PIP4K2B: variants seen among roughly 807,000 people sequenced by gnomAD.
PIP4K2B encodes the protein phosphatidylinositol 5-phosphate 4-kinase type-2 beta.
PIP4K2B carries 3 observed loss-of-function variants against 42.0 expected under a neutral mutation model. The observed-to-expected ratio is 0.07, with a 90% CI of 0.03 to 0.18. The LOEUF is 0.18. Ranked by LOEUF, PIP4K2B falls within the 10% of genes least tolerant of loss-of-function variation. PIP4K2B has a pLI of 1.00. For missense variants in PIP4K2B, 332 were observed against 562.3 expected (o/e 0.59, Z 4.14); for synonymous variants, 204 against 210.1 (o/e 0.97, Z 0.25).
chr17:38,769,816 A>C (rs1252845682), intron 9 of PIP4K2B, 45 bp from the exon 10 acceptor site: 2 of 1,598,338 alleles, frequency 1.3e-6, no homozygotes, highest in East Asian at 2.2e-5. Context: ...CCTGTGCCCC[A>C]ATCAGGAGGC....
At chr17:38,769,908 G>A in intron 9 of PIP4K2B, 137 bp from the exon 10 acceptor site, 1 of 733,650 alleles carries the variant, frequency 1.4e-6, no homozygotes, top group Admixed American at 2.2e-5. Flanking sequence ...CACCAAGACT[G>A]AGCAGACCAC....
At position 38,769,394 on chromosome 17, in the gene PIP4K2B, G is replaced by C; in HGVS notation, c.*297C>G. On this transcript the variant is annotated 3_prime_UTR_variant, in exon 10 of 10. Transcript: ENST00000619039. ...TCTCTAGCCCCAAGGTATCTTAAAA[G>C]GTTACAAGGTACCAAAAAGGGAACC... 2.4e-6 allele frequency: 1 copy of C among 419,134 alleles called. No homozygotes were observed. The highest frequency in any genetic ancestry group is 2.0e-5 in the African/African-American group (1 of 50,736). 26.0% of individuals were successfully genotyped at this position (419,134 alleles called of 1,614,324 possible).
chr17:38,769,774 G>A lies in PIP4K2B; in HGVS notation c.1171-3C>T. 6.2e-7 allele frequency: 1 copy of A among 1,613,340 alleles called. No individual in the cohort carries two copies. The highest frequency in any genetic ancestry group is 8.5e-7 in the Non-Finnish European group (1 of 1,179,588). Reference sequence around the variant, plus strand: ...ACAGTCGAGATCTCGGCCCCTGCCTGTAATACACAAGAGGCTGATTCAGGT... The same window carrying A: ...ACAGTCGAGATCTCGGCCCCTGCCTATAATACACAAGAGGCTGATTCAGGT... On this transcript the variant is annotated splice_polypyrimidine_tract_variant and splice_region_variant and intron_variant, in intron 9 of 9. Transcript: ENST00000619039.
chr17:38,769,361 C>A lies in PIP4K2B; in HGVS notation c.*330G>T. ...CAGAAACAAAACCCAAATAAACCCA[C>A]GAAGTCATCTCTAGCCCCAAGGTAT... On this transcript the variant is annotated 3_prime_UTR_variant, in exon 10 of 10. Transcript: ENST00000619039. The A allele has an allele frequency of 3.5e-6, 1 of 289,412 alleles. No homozygotes were observed. Among genetic ancestry groups the A allele is most frequent in the East Asian group, 6.5e-5 (1 of 15,454 alleles). 17.9% of individuals were successfully genotyped at this position (289,412 alleles called of 1,614,324 possible).
At position 38,767,613 on chromosome 17, in the gene PIP4K2B, C is replaced by T. The variant is rs1908772972; in HGVS notation, c.*2078G>A. ...GTAAGAATGTGTTACACTTTCCATA[C>T]ACATTATGGCAACATGATCAGCAGA... is the stretch of plus-strand genomic sequence containing the variant. On this transcript the variant is annotated 3_prime_UTR_variant, in exon 10 of 10. Transcript: ENST00000619039. 1 of 152,192 alleles carries T rather than the reference C, an allele frequency of 6.6e-6. No homozygotes were observed. The highest frequency in any genetic ancestry group is 6.5e-5 in the Admixed American group (1 of 15,276). 9.4% of individuals were successfully genotyped at this position (152,192 alleles called of 1,614,324 possible).
Position 38,786,905 on chromosome 17 carries a change from T to C in PIP4K2B, c.175A>G (p.Asn59Asp). 1 of 1,612,606 alleles carries C rather than the reference T, an allele frequency of 6.2e-7. No individual in the cohort carries two copies. Among genetic ancestry groups the C allele is most frequent in the Non-Finnish European group, 8.5e-7 (1 of 1,178,604 alleles). The part of the protein sequence containing the change: ...GVNHTINELS[N>D]VPVPVMLMPD... ...ATTAGCATGACAGGAACAGGAACATTGCTCAGCTCATTGATCTGAAAAGCA... is the reference window on the plus strand; with the variant it reads ...ATTAGCATGACAGGAACAGGAACATCGCTCAGCTCATTGATCTGAAAAGCA... The change falls in exon 2 of 10, where the codon AAT becomes GAT. Residue 59 changes from asparagine (N) to aspartate (D), a missense_variant. By Grantham distance (23) the Asn-to-Asp change is conservative. This residue lies in a region of PIP4K2B where 186 missense variants were observed against 288.4 expected (regional missense o/e 0.64). Transcript: ENST00000619039.
intron 1 of PIP4K2B, among the ~76,000 whole-genome samples, chr17:38,795,993 C>T (rs1053639345): frequency 2.0e-5 from 3 of 152,026 alleles, no homozygotes; most frequent in Non-Finnish European, 4.4e-5. Context: ...AAAAAATTAG[C>T]CACGTGTGGT....
rs959083048 is a variant in PIP4K2B at position 38,767,070 on chromosome 17, T to C, written c.*2621A>G. 2.6e-5 allele frequency: 4 copies of C among 152,248 alleles called. No homozygotes were observed. The highest frequency in any genetic ancestry group is 4.4e-5 in the Non-Finnish European group (3 of 68,072). The allele number at this position is 152,248 out of a possible 1,614,324, so 9.4% of individuals were successfully genotyped here. On this transcript the variant is annotated 3_prime_UTR_variant, in exon 10 of 10. Coordinates refer to ENST00000619039, the MANE Select transcript of PIP4K2B (RefSeq NM_003559.5). ...TTTCTTCTTGGGAGACCCAACATTATTCTGAGATGCCATGAGACTGTTTAG... is the reference window on the plus strand; with the variant it reads ...TTTCTTCTTGGGAGACCCAACATTACTCTGAGATGCCATGAGACTGTTTAG...
chr17:38,780,224 T>C (rs1043661451), intron 4 of PIP4K2B, among the ~76,000 whole-genome samples: 1 of 152,200 alleles, frequency 6.6e-6, no homozygotes, highest in African/African-American at 2.4e-5. Flanking sequence ...CGTGAACACT[T>C]TCCAACTGGG....
intron 7 of PIP4K2B, among the ~76,000 whole-genome samples, chr17:38,774,416 C>T (rs775924067): frequency 2.6e-5 from 4 of 152,192 alleles, no homozygotes; most frequent in Non-Finnish European, 4.4e-5. Flanking sequence ...CCTGGGCCTC[C>T]GGCTTGCTGA....
At chr17:38,788,176 A>AAATT (rs1442652235) in intron 1 of PIP4K2B, among the ~76,000 whole-genome samples, 24 of 129,316 alleles carry the variant, frequency 1.9e-4, no homozygotes, top group South Asian at 1.8e-3. Context: ...GTAATAGATT[A>AAATT]AATTTATTTA....
chr17:38,797,261 C>A (rs557736267), intron 1 of PIP4K2B, among the ~76,000 whole-genome samples: 1 of 152,308 alleles, frequency 6.6e-6, no homozygotes, highest in South Asian at 2.1e-4. Flanking sequence ...ACCTAACCAT[C>A]AGCTATTGAG....
intron 1 of PIP4K2B, among the ~76,000 whole-genome samples, chr17:38,793,082 C>T (rs756989976): frequency 1.3e-5 from 2 of 151,988 alleles, no homozygotes; most frequent in Non-Finnish European, 2.9e-5. Flanking sequence ...GCGCATGCCA[C>T]CACACCCGGC....
chr17:38,796,261 A>G (rs1281671035), intron 1 of PIP4K2B, among the ~76,000 whole-genome samples: 1 of 152,210 alleles, frequency 6.6e-6, no homozygotes, highest in East Asian at 1.9e-4. Context: ...ACTCTTATAC[A>G]CTGCTGGTAG....
At chr17:38,779,626 G>GAGC in intron 4 of PIP4K2B, 97 bp from the exon 5 acceptor site, 2 of 1,081,868 alleles carry the variant, frequency 1.8e-6, no homozygotes, top group Non-Finnish European at 2.8e-6. Flanking sequence ...GGCTCCCTGG[G>GAGC]ATTCTAACCT....
intron 7 of PIP4K2B, among the ~76,000 whole-genome samples, chr17:38,772,036 TAA>T (rs1909075951): frequency 6.6e-6 from 1 of 151,886 alleles, no homozygotes; most frequent in Non-Finnish European, 1.5e-5. Flanking sequence ...TCTCTTGTTT[TAA>T]AAAAAGAGGC....
intron 1 of PIP4K2B, among the ~76,000 whole-genome samples, chr17:38,793,636 C>G (rs922537617): frequency 6.6e-6 from 1 of 152,036 alleles, no homozygotes; most frequent in Non-Finnish European, 1.5e-5. Flanking sequence ...TTTGGAAGAC[C>G]GAGGTGGGCA....
chr17:38,788,114 GAAGAAAAA>G (rs1910135338), intron 1 of PIP4K2B, among the ~76,000 whole-genome samples: 1 of 151,926 alleles, frequency 6.6e-6, no homozygotes, highest in Non-Finnish European at 1.5e-5. Context: ...TTAGCTCAAG[GAAGAAAAA>G]AAGCTGGATG....
At chr17:38,791,917 G>A (rs887522678) in intron 1 of PIP4K2B, among the ~76,000 whole-genome samples, 4 of 150,566 alleles carry the variant, frequency 2.7e-5, no homozygotes, top group Admixed American at 6.6e-5. Flanking sequence ...GTGAAACCCC[G>A]TCTCTACTAA....
Sources: allele counts gnomAD v4.1 joint callset (sites outside exome capture counted in the v4.1 genomes callset), GRCh38; gene constraint gnomAD v4.1.1; regional missense constraint gnomAD v4.1.1; transcripts MANE v1.5; gene names NCBI Gene and HGNC (gene_info 2026-07-23, HGNC 2026-07-21).